The following PAK5 variants were observed in gnomAD, a reference collection of about 807,000 sequenced individuals.
PAK5 encodes the protein p21 (RAC1) activated kinase 5.
A neutral mutation model predicts 65.9 loss-of-function variants in PAK5; 16 were observed. The ratio of observed to expected loss-of-function variants is 0.24; its 90% CI spans 0.16 to 0.37. The LOEUF (loss-of-function observed/expected upper bound fraction) is 0.37. Among genes scored for constraint, PAK5 ranks in the 10% least tolerant of loss-of-function variants. The pLI, the probability that PAK5 is intolerant of heterozygous loss-of-function variation, is 1.00. For synonymous variants in PAK5, 371 were observed against 354.9 expected (o/e 1.05, Z -0.51); for missense variants, 785 against 903.9 (o/e 0.87, Z 1.69).
chr20:9,778,710 T>A (rs545940404), intron 1 of PAK5, among the ~76,000 whole-genome samples: 5 of 152,358 alleles, frequency 3.3e-5, no homozygotes, highest in South Asian at 4.1e-4. Context: ...GGACTACCAA[T>A]TCTTTCCAGT....
intron 1 of PAK5, among the ~76,000 whole-genome samples, chr20:9,770,309 A>T (rs1213840630): frequency 6.6e-6 from 1 of 152,228 alleles, no homozygotes; most frequent in African/African-American, 2.4e-5. Context: ...GGGATGTCTC[A>T]TTCTGATGGC....
intron 9 of PAK5, among the ~76,000 whole-genome samples, chr20:9,541,514 T>C (rs1476463777): frequency 6.6e-6 from 1 of 152,202 alleles, no homozygotes; most frequent in African/African-American, 2.4e-5. Context: ...CTTTTTCCCC[T>C]TTCTGACTTT....
intron 1 of PAK5, among the ~76,000 whole-genome samples, chr20:9,725,648 G>A (rs1034425800): frequency 1.8e-4 from 27 of 152,174 alleles, no homozygotes; most frequent in Non-Finnish European, 3.7e-4. Flanking sequence ...TGAACATGGG[G>A]AAATATTTAA....
chr20:9,723,420 T>A (rs1022409810), intron 1 of PAK5, among the ~76,000 whole-genome samples: 2 of 152,170 alleles, frequency 1.3e-5, no homozygotes, highest in Non-Finnish European at 2.9e-5. Flanking sequence ...AATGTGTTGG[T>A]TAGAAAAACC....
chr20:9,782,258 T>A (rs1315423196), intron 1 of PAK5, among the ~76,000 whole-genome samples: 5 of 152,148 alleles, frequency 3.3e-5, no homozygotes, highest in Non-Finnish European at 7.4e-5. Context: ...GAATCTCATG[T>A]CCTTAATAAT....
At chr20:9,661,119 T>C (rs553109770) in intron 2 of PAK5, among the ~76,000 whole-genome samples, 1 of 152,274 alleles carries the variant, frequency 6.6e-6, no homozygotes, top group African/African-American at 2.4e-5. Flanking sequence ...GGGCTTTGGT[T>C]TTTTTTCTCT....
At position 9,625,407 on chromosome 20, in the gene PAK5, A is replaced by T. The variant is rs2046830339; in HGVS notation, c.204+18718T>A. 2.0e-5 allele frequency among the ~76,000 whole-genome samples: 3 copies of T among 152,320 alleles called. No homozygotes were observed. The South Asian group carries it at 6.2e-4, about 32-fold the overall frequency. On this transcript the variant is annotated intron_variant, in intron 3 of 9. Transcript: ENST00000353224. Reference sequence around the variant, plus strand: ...CCACTTTCTACAACGCTGTGCCAAGAAGCTATGCGCCATGCTGGGTAGTCC... The same window carrying T: ...CCACTTTCTACAACGCTGTGCCAAGTAGCTATGCGCCATGCTGGGTAGTCC...
intron 1 of PAK5, among the ~76,000 whole-genome samples, chr20:9,744,839 T>C (rs2048488379): frequency 6.6e-6 from 1 of 152,198 alleles, no homozygotes; most frequent in African/African-American, 2.4e-5. Context: ...ATTTCAAGTT[T>C]TGTTTTTCAT....
intron 4 of PAK5, among the ~76,000 whole-genome samples, chr20:9,571,905 G>T (rs943442990): frequency 6.8e-6 from 1 of 147,858 alleles, no homozygotes; most frequent in African/African-American, 2.5e-5. Flanking sequence ...TAACAGGGGC[G>T]GGCAGAGTGG....
At chr20:9,704,199 G>A (rs923151010) in intron 2 of PAK5, among the ~76,000 whole-genome samples, 1 of 151,914 alleles carries the variant, frequency 6.6e-6, no homozygotes, top group African/African-American at 2.4e-5. Context: ...TCAGATCCTG[G>A]GCCTGTGTTA....
At chr20:9,702,941 G>T (rs957010169) in intron 2 of PAK5, among the ~76,000 whole-genome samples, 1 of 152,140 alleles carries the variant, frequency 6.6e-6, no homozygotes, top group Non-Finnish European at 1.5e-5. Context: ...AGCCTTTACA[G>T]ACCACCTTCT....
intron 5 of PAK5, among the ~76,000 whole-genome samples, 170 bp downstream of exon 5, chr20:9,565,723 C>T (rs1047827924): frequency 3.3e-5 from 5 of 152,028 alleles, no homozygotes; most frequent in African/African-American, 1.2e-4. Context: ...ATGTAACAGC[C>T]ATATATGTGC....
chr20:9,768,287 G>A (rs1336429448), intron 1 of PAK5, among the ~76,000 whole-genome samples: 19 of 151,898 alleles, frequency 1.3e-4, no homozygotes, highest in Admixed American at 1.2e-3. Context: ...ATAAGTGGGA[G>A]CTAAACATCG....
intron 2 of PAK5, among the ~76,000 whole-genome samples, chr20:9,700,318 A>T (rs2123460120): frequency 6.6e-6 from 1 of 152,228 alleles, no homozygotes; most frequent in South Asian, 2.1e-4. Flanking sequence ...GTCAGAGATG[A>T]GGGGATTGCT....
intron 6 of PAK5, among the ~76,000 whole-genome samples, chr20:9,560,307 C>G (rs189690422): frequency 6.6e-6 from 1 of 152,144 alleles, no homozygotes; most frequent in African/African-American, 2.4e-5. Flanking sequence ...TCTAGAGTAA[C>G]CTCAAATTCA....
At chr20:9,632,130 G>T (rs1313018888) in intron 3 of PAK5, among the ~76,000 whole-genome samples, 1 of 152,166 alleles carries the variant, frequency 6.6e-6, no homozygotes, top group Non-Finnish European at 1.5e-5. Flanking sequence ...CACCACTGCT[G>T]GGAGAGAAGA....
chr20:9,664,097 A>G (rs1030367672), intron 2 of PAK5, among the ~76,000 whole-genome samples: 1 of 152,206 alleles, frequency 6.6e-6, no homozygotes, highest in Non-Finnish European at 1.5e-5. Context: ...TCACAGGCAG[A>G]AAGTCCCTTC....
Position 9,617,668 on chromosome 20 carries a change from G to A in PAK5, c.204+26457C>T, listed in dbSNP as rs2046684967. On this transcript the variant is annotated intron_variant, in intron 3 of 9. Transcript: ENST00000353224. ...CCTCTTAGGTTCGCGCCATTCTTCC[G>A]CCTCAGCCTCCCGAGTAGCTGGGAC... Among the ~76,000 whole-genome samples, 4 of 144,662 alleles carry A rather than the reference G, an allele frequency of 2.8e-5. No individual in the cohort carries two copies. In the Admixed American group the frequency reaches 2.9e-4, roughly 11 times the overall value. The allele number at this position is 144,662 out of a possible 152,430, so 94.9% of individuals were successfully genotyped here.
intron 2 of PAK5, among the ~76,000 whole-genome samples, chr20:9,673,155 C>A (rs2047523921): frequency 6.6e-6 from 1 of 151,906 alleles, no homozygotes; most frequent in African/African-American, 2.4e-5. Context: ...AAAATAACTA[C>A]AAAATACCAG....
Sources: allele counts gnomAD v4.1 joint callset (sites outside exome capture counted in the v4.1 genomes callset), GRCh38; gene constraint gnomAD v4.1.1; transcripts MANE v1.5; gene names NCBI Gene and HGNC (gene_info 2026-07-23, HGNC 2026-07-21).